The following SYN3 variants were observed in gnomAD, a reference collection of about 807,000 sequenced individuals.
The protein encoded by SYN3 is synapsin-3.
A neutral mutation model predicts 65.8 loss-of-function variants in SYN3; 35 were observed. The observed-to-expected ratio is 0.53, with a 90% CI of 0.41 to 0.70. The LOEUF is 0.70. Ranked by LOEUF, SYN3 falls within the 30% of genes least tolerant of loss-of-function variation. The pLI is 0.00. For synonymous variants in SYN3, 270 were observed against 292.9 expected (o/e 0.92, Z 0.80); for missense variants, 680 against 749.0 (o/e 0.91, Z 1.08).
At chr22:32,715,197 C>T (rs1474666574) in intron 6 of SYN3, among the ~76,000 whole-genome samples, 1 of 152,192 alleles carries the variant, frequency 6.6e-6, no homozygotes, top group Non-Finnish European at 1.5e-5. Context: ...ATACTATCAC[C>T]CTGGCCAAGT....
At chr22:32,736,496 T>A (rs1317808787) in intron 6 of SYN3, among the ~76,000 whole-genome samples, 1 of 152,220 alleles carries the variant, frequency 6.6e-6, no homozygotes. Flanking sequence ...TGTGGATTCA[T>A]GTCAGACAAA....
chr22:32,931,338 G>A, intron 4 of SYN3, 52 bp downstream of exon 4: 2 of 1,243,348 alleles, frequency 1.6e-6, no homozygotes, highest in Non-Finnish European at 2.4e-6. Context: ...GGCTACATGA[G>A]GTTCCACGTA....
intron 6 of SYN3, among the ~76,000 whole-genome samples, chr22:32,761,628 A>G (rs2045483010): frequency 6.6e-6 from 1 of 152,198 alleles, no homozygotes. Context: ...AAACCCCAGA[A>G]TGCAGTATAG....
At chr22:32,945,434 A>G (rs1203883356) in intron 3 of SYN3, among the ~76,000 whole-genome samples, 2 of 152,188 alleles carry the variant, frequency 1.3e-5, no homozygotes, top group African/African-American at 4.8e-5. Flanking sequence ...AAAACAAGAA[A>G]TGGGGAAAGG....
At position 32,619,274 on chromosome 22, in the gene SYN3, T is replaced by A. The variant is rs1354145958; in HGVS notation, c.712-22538A>T. Among the ~76,000 whole-genome samples the A allele has an allele frequency of 6.6e-5, 10 of 152,386 alleles. No individual in the cohort carries two copies. In the East Asian group the frequency reaches 1.9e-3, roughly 29 times the overall value. On this transcript the variant is annotated intron_variant, in intron 6 of 13. Coordinates refer to ENST00000358763, the MANE Select transcript of SYN3 (RefSeq NM_003490.4). ...TTACCACTGGATTTTAATTTATTCA[T>A]TTGTAAAATAAAAGTGATTAATTTA...
rs374640536 is a variant in SYN3, at chr22:32,573,997, C to T, written c.774+22677G>A. Among the ~76,000 whole-genome samples the T allele has an allele frequency of 7.9e-4, 118 of 150,210 alleles. 2 individuals are homozygous for T. In the Middle Eastern group the frequency reaches 0.01, roughly 13 times the overall value. ...TTCACTATGTTGCCCAGACTGGTCT[C>T]GAACTCCTGAGCTCAGGCAATCCTC... On this transcript the variant is annotated intron_variant, in intron 7 of 13. Transcript: ENST00000358763.
intron 12 of SYN3, among the ~76,000 whole-genome samples, chr22:32,519,091 G>A (rs74653916): frequency 0.026 from 4,027 of 152,188 alleles, 66 homozygotes; most frequent in Non-Finnish European, 0.042. Flanking sequence ...CTAGCACCTT[G>A]ATCTTGTACC....
At position 33,058,325 on chromosome 22, in the gene SYN3, T is replaced by C; in HGVS notation, c.-196A>G. On this transcript the variant is annotated 5_prime_UTR_variant, in exon 1 of 14. Transcript: ENST00000358763. ...CCGCCAGGAACTCGGCGCCCGGTGG[T>C]GCCTCGGCGCGGCGCCCGCCAGTCG... 1 of 149,418 alleles carries C rather than the reference T, an allele frequency of 6.7e-6. No individual in the cohort carries two copies. The highest frequency in any genetic ancestry group is 1.5e-5 in the Non-Finnish European group (1 of 67,300). The allele number at this position is 149,418 out of a possible 1,614,324, so 9.3% of individuals were successfully genotyped here. A position where few individuals can be genotyped will look rare whatever the true frequency, so the allele number is the denominator to read the frequency against.
intron 3 of SYN3, among the ~76,000 whole-genome samples, chr22:32,979,040 T>G (rs981716490): frequency 2.7e-5 from 4 of 150,720 alleles, no homozygotes; most frequent in Non-Finnish European, 4.4e-5. Flanking sequence ...AAATAAAAAA[T>G]AAAAAAATTA....
intron 7 of SYN3, among the ~76,000 whole-genome samples, chr22:32,570,125 G>A (rs1169985751): frequency 1.3e-5 from 2 of 152,156 alleles, no homozygotes; most frequent in Non-Finnish European, 1.5e-5. Context: ...TTCCGAGGTC[G>A]ATTAAACATG....
chr22:32,739,679 A>C (rs1023294512), intron 6 of SYN3, among the ~76,000 whole-genome samples: 2 of 152,236 alleles, frequency 1.3e-5, no homozygotes, highest in Non-Finnish European at 2.9e-5. Flanking sequence ...CCCATGATCC[A>C]AAAACCAAAA....
At chr22:32,979,605 C>G (rs1271958192) in intron 3 of SYN3, among the ~76,000 whole-genome samples, 1 of 152,110 alleles carries the variant, frequency 6.6e-6, no homozygotes. Context: ...ATGTTATTTA[C>G]TGTTTGCCTT....
Position 32,858,123 on chromosome 22 carries a change from G to A in SYN3, c.711+6792C>T, listed in dbSNP as rs1041552077. 6.2e-7 allele frequency: 1 copy of A among 1,613,886 alleles called. No individual in the cohort carries two copies. The highest frequency in any genetic ancestry group is 1.3e-5 in the African/African-American group (1 of 74,924). ...AGGGGCTGAACTATCGGTATCACCT[G>A]GGTTGTAACTGCAAGGTAAGCTCTG... On this transcript the variant is annotated intron_variant, in intron 6 of 13. Coordinates refer to ENST00000358763, the MANE Select transcript of SYN3 (RefSeq NM_003490.4).
chr22:32,803,840 G>C (rs1476044540), intron 6 of SYN3, among the ~76,000 whole-genome samples: 1 of 152,190 alleles, frequency 6.6e-6, no homozygotes, highest in Admixed American at 6.5e-5. Context: ...GACTTCACTT[G>C]CGTTTTTTTG....
intron 7 of SYN3, among the ~76,000 whole-genome samples, chr22:32,570,388 G>C (rs984057469): frequency 3.3e-5 from 5 of 152,220 alleles, no homozygotes; most frequent in African/African-American, 1.2e-4. Context: ...TGCAGATGGG[G>C]ATGTGACTCA....
chr22:32,753,631 C>CT (rs2045206049), intron 6 of SYN3, among the ~76,000 whole-genome samples: 1 of 152,276 alleles, frequency 6.6e-6, no homozygotes, highest in African/African-American at 2.4e-5. Flanking sequence ...TCTATGGAAT[C>CT]TTTAAGAAGC....
At chr22:32,601,697 T>C (rs1034095463) in intron 6 of SYN3, among the ~76,000 whole-genome samples, 4 of 152,210 alleles carry the variant, frequency 2.6e-5, no homozygotes, top group East Asian at 1.9e-4. Flanking sequence ...GGCCAGATTA[T>C]TGGGGGCCTT....
At chr22:32,581,123 T>C (rs533314900) in intron 7 of SYN3, among the ~76,000 whole-genome samples, 10 of 152,354 alleles carry the variant, frequency 6.6e-5, no homozygotes, top group African/African-American at 2.2e-4. Flanking sequence ...TTGTTTTTAT[T>C]TTTTGAGACT....
Position 32,556,803 on chromosome 22 carries a change from G to GTTTTTTTTTTTTTTTT in SYN3, c.775-15091_775-15090insAAAAAAAAAAAAAAAA. ...CAATGACCCAATCTATAGGTTTCCT[G>GTTTTTTTTTTTTTTTT]GTTTTTTTTTTTTTTTTTTTTTTTT... On this transcript the variant is annotated intron_variant, in intron 7 of 13. Coordinates refer to ENST00000358763, the MANE Select transcript of SYN3 (RefSeq NM_003490.4). Among the ~76,000 whole-genome samples, 277 of 35,242 alleles carry GTTTTTTTTTTTTTTTT rather than the reference G, an allele frequency of 7.9e-3. 83 individuals are homozygous for GTTTTTTTTTTTTTTTT. Among genetic ancestry groups the GTTTTTTTTTTTTTTTT allele is most frequent in the Non-Finnish European group, 0.012 (214 of 17,866 alleles). The allele number at this position is 35,242 out of a possible 152,430, so 23.1% of individuals were successfully genotyped here.
Sources: gnomAD v4.1 joint callset for allele counts (sites outside exome capture counted in the v4.1 genomes callset) on GRCh38, gnomAD v4.1.1 for gene constraint, MANE v1.5 for transcripts, NCBI Gene and HGNC (gene_info 2026-07-23, HGNC 2026-07-21) for gene names.